Variants in INTU observed in about 807,000 individuals in gnomAD.
INTU encodes the protein protein inturned.
INTU carries 68 observed loss-of-function variants against 100.5 expected under a neutral mutation model. The observed-to-expected ratio is 0.68, with a 90% CI of 0.56 to 0.83. The LOEUF (loss-of-function observed/expected upper bound fraction) is 0.83, where lower values mean the gene tolerates loss of function less well. Among genes scored for constraint, INTU ranks in the 40% least tolerant of loss-of-function variants. The pLI is 0.00. For missense variants in INTU, 1,071 were observed against 1,114.7 expected, an observed-to-expected ratio of 0.96 and a Z score of 0.56; for synonymous variants, 357 against 395.7, an observed-to-expected ratio of 0.90 and a Z score of 1.16.
chr4:127,633,081 TC>T lies in INTU; in HGVS notation c.50del (p.Pro17LeufsTer54). On this transcript the variant is annotated frameshift_variant, in exon 1 of 16. Transcript: ENST00000335251. LOFTEE classifies it high-confidence loss of function. ...SCDSRPSSDE[L>X]PGDPSSQEED... ...GATTCGCGTCCGAGCTCAGACGAGC[TC>T]CCTGGAGACCCCTCTTCACAAGAAG... The T allele has an allele frequency of 1.2e-6, 2 of 1,613,986 alleles. No individual in the cohort carries two copies. Among genetic ancestry groups the T allele is most frequent in the Non-Finnish European group, 1.7e-6 (2 of 1,179,870 alleles).
At position 127,662,513 on chromosome 4, in the gene INTU, A is replaced by T. The variant is rs188453767; in HGVS notation, c.769-868A>T. 7.7e-4 allele frequency among the ~76,000 whole-genome samples: 117 copies of T among 152,252 alleles called. 1 individual carries two copies. Among genetic ancestry groups the T allele is most frequent in the South Asian group, 1.9e-3 (9 of 4,824 alleles). The stretch of plus-strand genomic sequence containing the variant: ...CAATTTTGGTACTTCTTTGAAATGA[A>T]CGAGTTATCTTTGACCAATTGGTAT... On this transcript the variant is annotated intron_variant, in intron 3 of 15. Coordinates refer to ENST00000335251, the MANE Select transcript of INTU (RefSeq NM_015693.4).
At chr4:127,699,987 C>G in intron 8 of INTU, 23 bp from the exon 9 acceptor site, 1 of 1,498,716 alleles carries the variant, frequency 6.7e-7, no homozygotes. Context: ...GTTTATGTTA[C>G]TCTTTTTTTT....
rs1172202590 is a variant in INTU, at chr4:127,720,556, G to A, written c.*4120G>A. On this transcript the variant is annotated 3_prime_UTR_variant, in exon 16 of 16. Transcript: ENST00000335251. ...AACTTTGTTAATTTTCTGTCTCGAT[G>A]ATCTAATATTGACAGTGGGGTGTTA... 1 of 151,956 alleles carries A rather than the reference G, an allele frequency of 6.6e-6. No homozygotes were observed. The highest frequency in any genetic ancestry group is 1.9e-4 in the East Asian group (1 of 5,200). 9.4% of individuals were successfully genotyped at this position (151,956 alleles called of 1,614,324 possible).
intron 3 of INTU, among the ~76,000 whole-genome samples, chr4:127,658,863 A>C (rs1345339399): frequency 6.6e-6 from 1 of 152,212 alleles, no homozygotes; most frequent in Admixed American, 6.5e-5. Context: ...GATTTCTATT[A>C]GTATGAAATA....
intron 12 of INTU, among the ~76,000 whole-genome samples, chr4:127,707,777 A>G (rs1240297874): frequency 6.6e-6 from 1 of 152,116 alleles, no homozygotes; most frequent in African/African-American, 2.4e-5. Flanking sequence ...CATTTTTCCT[A>G]ATTTTTTCCC....
At chr4:127,633,260 G>T in intron 1 of INTU, 80 bp downstream of exon 1, 4 of 1,445,962 alleles carry the variant, frequency 2.8e-6, no homozygotes, top group Non-Finnish European at 3.8e-6. Context: ...AACTGCAAGG[G>T]TGTTGGCGTG....
At chr4:127,699,383 T>C (rs1199196964) in intron 8 of INTU, 1 of 151,490 alleles carries the variant, frequency 6.6e-6, no homozygotes, top group East Asian at 1.9e-4. Context: ...AAGTAAGAGA[T>C]TTTTTTTTCT....
At chr4:127,653,162 C>CA (rs1324518505) in intron 2 of INTU, among the ~76,000 whole-genome samples, 1 of 142,772 alleles carries the variant, frequency 7.0e-6, no homozygotes, top group East Asian at 2.0e-4. Context: ...TTGATCCTTT[C>CA]AAAAAACCAG....
intron 5 of INTU, among the ~76,000 whole-genome samples, chr4:127,671,260 C>T (rs1399769988): frequency 6.6e-6 from 1 of 151,722 alleles, no homozygotes; most frequent in Non-Finnish European, 1.5e-5. Flanking sequence ...ACTCAGACAA[C>T]TCAACAAGAA....
At chr4:127,662,407 A>C (rs1230784317) in intron 3 of INTU, among the ~76,000 whole-genome samples, 1 of 152,162 alleles carries the variant, frequency 6.6e-6, no homozygotes, top group African/African-American at 2.4e-5. Context: ...TTCAGGTCTT[A>C]GATTTAAGTC....
At position 127,693,228 on chromosome 4, in the gene INTU, A is replaced by G. The variant is rs1252071103; in HGVS notation, c.1449+5361A>G. Reference sequence around the variant, plus strand: ...ATCCATGGGCATGGGATGTGTTTCCATTTGTTGGTATTGTCTATGATTTCT... The same window carrying G: ...ATCCATGGGCATGGGATGTGTTTCCGTTTGTTGGTATTGTCTATGATTTCT... On this transcript the variant is annotated intron_variant, in intron 8 of 15. Transcript: ENST00000335251. Among the ~76,000 whole-genome samples, 3 of 152,070 alleles carry G rather than the reference A, an allele frequency of 2.0e-5. No individual in the cohort carries two copies. The East Asian group carries it at 5.8e-4, about 29-fold the overall frequency.
chr4:127,702,920 T>C (rs972814936), intron 9 of INTU, among the ~76,000 whole-genome samples: 1 of 152,100 alleles, frequency 6.6e-6, no homozygotes, highest in Non-Finnish European at 1.5e-5. Context: ...CTCTGGTTGC[T>C]CAGCATACCT....
intron 1 of INTU, among the ~76,000 whole-genome samples, chr4:127,641,205 A>G (rs900345494): frequency 6.6e-5 from 10 of 152,172 alleles, no homozygotes; most frequent in African/African-American, 2.2e-4. Context: ...CCAACGATTT[A>G]CTTGCCAAAG....
At chr4:127,644,145 A>T in intron 2 of INTU, 89 bp downstream of exon 2, 1 of 1,320,878 alleles carries the variant, frequency 7.6e-7, no homozygotes, top group South Asian at 1.4e-5. Flanking sequence ...AAACAATTAT[A>T]TACAGTCTCC....
chr4:127,709,463 G>A (rs1305433863), intron 13 of INTU, among the ~76,000 whole-genome samples: 1 of 152,134 alleles, frequency 6.6e-6, no homozygotes, highest in Admixed American at 6.6e-5. Flanking sequence ...AATTTCAAAC[G>A]TTCATTGAGT....
chr4:127,691,737 T>C (rs1730136965), intron 8 of INTU, among the ~76,000 whole-genome samples: 1 of 151,784 alleles, frequency 6.6e-6, no homozygotes, highest in African/African-American at 2.4e-5. Context: ...CTTTTATCTC[T>C]TGCCACCCCC....
intron 6 of INTU, among the ~76,000 whole-genome samples, chr4:127,681,903 G>A (rs544344520): frequency 1.9e-3 from 295 of 151,810 alleles, no homozygotes; most frequent in African/African-American, 6.6e-3. Flanking sequence ...AAACAAATCT[G>A]CAAGAAAAAA....
At chr4:127,688,971 C>CTTTTTTTTTTTTTTTTTTTTTTT (rs763570146) in intron 8 of INTU, among the ~76,000 whole-genome samples, 2 of 88,026 alleles carry the variant, frequency 2.3e-5, no homozygotes, top group African/African-American at 3.9e-5. Context: ...TTCTTTCTTT[C>CTTTTTTTTTTTTTTTTTTTTTTT]TTTTTTTTTT....
chr4:127,634,394 A>G (rs1726977352), intron 1 of INTU, among the ~76,000 whole-genome samples: 1 of 152,256 alleles, frequency 6.6e-6, no homozygotes, highest in African/African-American at 2.4e-5. Context: ...CTTTTAGCCC[A>G]GAAAGAATCT....
Sources: gnomAD v4.1 joint callset for allele counts (sites outside exome capture counted in the v4.1 genomes callset) on GRCh38, gnomAD v4.1.1 for gene constraint, MANE v1.5 for transcripts, NCBI Gene and HGNC (gene_info 2026-07-23, HGNC 2026-07-21) for gene names.